ECPAS: variants seen among roughly 807,000 people sequenced by gnomAD.
ECPAS encodes the protein Ecm29 proteasome adaptor and scaffold, also known as proteasome adapter and scaffold protein ECM29.
Under a neutral mutation model 255.1 loss-of-function variants are expected in ECPAS, and 70 were observed. The ratio of observed to expected loss-of-function variants is 0.27; its 90% CI spans 0.23 to 0.33. The LOEUF (loss-of-function observed/expected upper bound fraction) is 0.33, where lower values mean the gene tolerates loss of function less well. Ranked by LOEUF, ECPAS falls within the 10% of genes least tolerant of loss-of-function variation. The probability of loss-of-function intolerance (pLI) is 1.00; values close to 1 mark genes in which losing one functional copy is unlikely to be tolerated. For synonymous variants in ECPAS, 784 were observed against 775.0 expected (o/e 1.01, Z -0.19); for missense variants, 1,817 against 2,206.4 (o/e 0.82, Z 3.54).
intron 22 of ECPAS, 43 bp from the exon 23 acceptor site, chr9:111,410,256 C>T (rs750102898): frequency 2.0e-6 from 3 of 1,530,058 alleles, no homozygotes; most frequent in Middle Eastern, 3.5e-4. Context: ...ATACCATTAT[C>T]CTTACGACCC....
rs1365607208 is a variant in ECPAS at position 111,428,155 on chromosome 9, C to A, written c.937G>T (p.Val313Phe). 2 of 1,608,562 alleles carry A rather than the reference C, an allele frequency of 1.2e-6. No individual in the cohort carries two copies. Among genetic ancestry groups the A allele is most frequent in the East Asian group, 2.2e-5 (1 of 44,698 alleles). Reference protein sequence around the residue: ...DIPLKTKEGAVLKPELKRDPV... With the variant: ...DIPLKTKEGAFLKPELKRDPV... ...TCCCTTTTCAACTCTGGCTTCAGAACTGCACCCTGTTGAAAATATGCTTGA... is the reference window on the plus strand; with the variant it reads ...TCCCTTTTCAACTCTGGCTTCAGAAATGCACCCTGTTGAAAATATGCTTGA... The change falls in exon 10 of 50, where the codon GTT (valine) becomes TTT (phenylalanine). Residue 313 changes from valine to phenylalanine, a missense_variant. Coordinates refer to ENST00000684092, the MANE Select transcript of ECPAS (RefSeq NM_001364929.1).
chr9:111,464,799 AAG>A (rs1182556166), intron 2 of ECPAS, among the ~76,000 whole-genome samples: 3 of 152,226 alleles, frequency 2.0e-5, no homozygotes, highest in South Asian at 2.1e-4. Flanking sequence ...GGGAGGAGGA[AAG>A]AGAGGAAAAA....
chr9:111,393,598 C>G (rs2098163397), intron 27 of ECPAS, 82 bp downstream of exon 27: 4 of 914,264 alleles, frequency 4.4e-6, no homozygotes, highest in Middle Eastern at 5.2e-4. Flanking sequence ...AGAAAGTTTT[C>G]TTTCATGTTC....
At chr9:111,473,394 T>C (rs2098291792) in intron 1 of ECPAS, among the ~76,000 whole-genome samples, 1 of 152,240 alleles carries the variant, frequency 6.6e-6, no homozygotes, top group African/African-American at 2.4e-5. Context: ...CATGTATACA[T>C]GTTTTTAGCA....
intron 49 of ECPAS, among the ~76,000 whole-genome samples, chr9:111,362,946 T>C (rs2098115600): frequency 1.3e-5 from 2 of 152,258 alleles, no homozygotes; most frequent in Admixed American, 6.5e-5. Flanking sequence ...TAAGCAAAGA[T>C]AGAGAAGTAG....
At chr9:111,371,500 A>G in intron 43 of ECPAS, 121 bp downstream of exon 43, 1 of 948,426 alleles carries the variant, frequency 1.1e-6, no homozygotes, top group South Asian at 1.5e-5. Flanking sequence ...TCCACTGTCT[A>G]GGAAATCTAG....
intron 12 of ECPAS, 124 bp downstream of exon 12, chr9:111,425,293 TA>T: frequency 4.9e-6 from 3 of 609,968 alleles, no homozygotes; most frequent in Non-Finnish European, 5.2e-6. Context: ...CTATTTCAAG[TA>T]AAATGTTAAG....
rs918851049 is a variant in ECPAS, at chr9:111,389,722, C to T, written c.3281G>A (p.Gly1094Asp). 2.5e-6 allele frequency: 4 copies of T among 1,605,772 alleles called. No homozygotes were observed. Among genetic ancestry groups the T allele is most frequent in the Non-Finnish European group, 2.5e-6 (3 of 1,176,540 alleles). ...NHHAMWNSRKGAAFGFNVIAT... is the reference protein window; with the variant it reads ...NHHAMWNSRKDAAFGFNVIAT... ...AATTACATTAAAACCAAAAGCAGCA[C>T]CCTAAAAATAATAGGCTGAAGTGAC... is the stretch of plus-strand genomic sequence containing the variant. Residue 1094 changes from glycine to aspartate, a missense_variant and splice_region_variant, in exon 31 of 50, where the codon GGT (glycine) becomes GAT (aspartate). Physicochemically the swap from Gly to Asp is moderately conservative, Grantham distance 94. Coordinates refer to ENST00000684092, the MANE Select transcript of ECPAS (RefSeq NM_001364929.1).
intron 16 of ECPAS, among the ~76,000 whole-genome samples, 186 bp downstream of exon 16, chr9:111,419,831 T>C (rs2098210544): frequency 6.7e-6 from 1 of 149,902 alleles, no homozygotes; most frequent in African/African-American, 2.4e-5. Flanking sequence ...ATACATGTAA[T>C]ATTTATATTA....
chr9:111,377,676 T>C (rs1419392648), intron 36 of ECPAS, among the ~76,000 whole-genome samples: 1 of 152,220 alleles, frequency 6.6e-6, no homozygotes, highest in Non-Finnish European at 1.5e-5. Flanking sequence ...GTATGTTTGT[T>C]TGGTTTGGTA....
chr9:111,363,799 A>G, intron 48 of ECPAS, 140 bp from the exon 49 acceptor site: 1 of 574,410 alleles, frequency 1.7e-6, no homozygotes, highest in Non-Finnish European at 3.0e-6. Flanking sequence ...TTTTAAAGGA[A>G]GCTTCCCTTT....
At chr9:111,413,603 T>C (rs1440397038) in intron 20 of ECPAS, among the ~76,000 whole-genome samples, 1 of 152,022 alleles carries the variant, frequency 6.6e-6, no homozygotes, top group Non-Finnish European at 1.5e-5. Context: ...ATAGTTTTTA[T>C]TTAAACTACA....
intron 2 of ECPAS, 54 bp from the exon 3 acceptor site, chr9:111,451,609 A>C: frequency 6.8e-7 from 1 of 1,472,428 alleles, no homozygotes; most frequent in South Asian, 1.4e-5. Context: ...CACAACCAAG[A>C]CCAATTATTT....
intron 41 of ECPAS, among the ~76,000 whole-genome samples, 196 bp from the exon 42 acceptor site, chr9:111,372,816 G>A (rs2098129024): frequency 6.6e-6 from 1 of 152,174 alleles, no homozygotes; most frequent in African/African-American, 2.4e-5. Context: ...CAGATAGCTT[G>A]AGCTCGGGAG....
At chr9:111,374,446 A>G (rs2098131070) in intron 38 of ECPAS, among the ~76,000 whole-genome samples, 1 of 152,204 alleles carries the variant, frequency 6.6e-6, no homozygotes, top group Non-Finnish European at 1.5e-5. Context: ...GAGTAAAATA[A>G]ATGATGTTAC....
intron 2 of ECPAS, among the ~76,000 whole-genome samples, chr9:111,462,282 G>A (rs1490050157): frequency 6.6e-6 from 1 of 152,136 alleles, no homozygotes; most frequent in African/African-American, 2.4e-5. Context: ...TGTGGAGCTG[G>A]AAATAACCGT....
intron 2 of ECPAS, among the ~76,000 whole-genome samples, chr9:111,455,266 T>C (rs1212074672): frequency 6.6e-6 from 1 of 152,216 alleles, no homozygotes; most frequent in Non-Finnish European, 1.5e-5. Context: ...GGGCAGATCA[T>C]GAGGTCAGGA....
At position 111,410,151 on chromosome 9, in the gene ECPAS, T is replaced by G. The variant is rs764542839; in HGVS notation, c.2440A>C (p.Ile814Leu). 13 of 1,612,878 alleles carry G rather than the reference T, an allele frequency of 8.1e-6. 1 individual carries two copies. In the South Asian group the frequency reaches 1.4e-4, roughly 18 times the overall value. ...ATTGGAAGTGGACCATTTCTGCCAA[T>G]TTCACCCAGGGCTGTGCAGGCAGCA... ...AIAACTALGEIGRNGPLPIPS... is the reference protein window; with the variant it reads ...AIAACTALGELGRNGPLPIPS... The change falls in exon 23 of 50, where the codon ATT becomes CTT. Residue 814 changes from isoleucine to leucine, a missense_variant. Physicochemically the swap from Ile to Leu is conservative, Grantham distance 5 (BLOSUM62 2). Coordinates refer to ENST00000684092, the MANE Select transcript of ECPAS (RefSeq NM_001364929.1).
intron 35 of ECPAS, among the ~76,000 whole-genome samples, 189 bp from the exon 36 acceptor site, chr9:111,378,919 A>G (rs918283357): frequency 2.7e-4 from 41 of 152,350 alleles, no homozygotes; most frequent in African/African-American, 9.4e-4. Context: ...AGAGGTAGGT[A>G]GAATGATAAA....
Sources: allele counts gnomAD v4.1 joint callset (sites outside exome capture counted in the v4.1 genomes callset), GRCh38; gene constraint gnomAD v4.1.1; transcripts MANE v1.5; gene names NCBI Gene and HGNC (gene_info 2026-07-23, HGNC 2026-07-21).